The following GLIPR2 variants were observed in gnomAD, a reference collection of about 807,000 sequenced individuals.
The protein encoded by GLIPR2 is Golgi-associated plant pathogenesis-related protein 1.
GLIPR2 carries 21 observed loss-of-function variants against 20.4 expected under a neutral mutation model. The ratio of observed to expected loss-of-function variants is 1.03; its 90% confidence interval spans 0.73 to 1.48. The LOEUF is 1.48. Among genes scored for constraint, GLIPR2 ranks in the 40% most tolerant of loss-of-function variants. GLIPR2 has a pLI of 0.00. For missense variants in GLIPR2, 205 were observed against 200.1 expected (o/e 1.02, Z -0.15); for synonymous variants, 91 against 80.5 (o/e 1.13, Z -0.70).
At chr9:36,156,405 A>T (rs1182429736) in intron 4 of GLIPR2, among the ~76,000 whole-genome samples, 10 of 150,792 alleles carry the variant, frequency 6.6e-5, no homozygotes, top group Admixed American at 4.0e-4. Context: ...AAAAAAAAAA[A>T]AAAAAAAGAA....
At chr9:36,141,426 A>G (rs1206069069) in intron 1 of GLIPR2, among the ~76,000 whole-genome samples, 9 of 148,106 alleles carry the variant, frequency 6.1e-5, no homozygotes, top group African/African-American at 2.3e-4. Flanking sequence ...CCCCGAAGGC[A>G]GAACCGGGCT....
chr9:36,150,659 G>GC (rs1463306373), intron 3 of GLIPR2, among the ~76,000 whole-genome samples: 2 of 152,144 alleles, frequency 1.3e-5, no homozygotes, highest in Non-Finnish European at 2.9e-5. Flanking sequence ...GCTCTTCCCA[G>GC]CCCCCCAGAA....
intron 1 of GLIPR2, among the ~76,000 whole-genome samples, chr9:36,146,910 C>T (rs1041660271): frequency 2.6e-5 from 4 of 152,140 alleles, no homozygotes; most frequent in African/African-American, 7.2e-5. Flanking sequence ...GTTCTGGGGT[C>T]TTGGGGCGGC....
chr9:36,137,748 G>A (rs1824891271), intron 1 of GLIPR2, among the ~76,000 whole-genome samples: 1 of 152,248 alleles, frequency 6.6e-6, no homozygotes, highest in South Asian at 2.1e-4. Context: ...GAGGCTCTTA[G>A]AGAACAGCTG....
chr9:36,136,925 C>T lies in GLIPR2; in HGVS notation c.13+134C>T. On this transcript the variant is annotated intron_variant, in intron 1 of 4. Coordinates refer to ENST00000377960, the MANE Select transcript of GLIPR2 (RefSeq NM_022343.4). This position sits in a 1 kb window ranked among gnomAD's most constrained non-coding sequence, Gnocchi z 4.3. ...GGGGTGCGGGTGGAGGGCGCGCGGG[C>T]GGAGCGCCCCGGCGCGGTTTCCGGG... 9.5e-7 allele frequency: 1 copy of T among 1,051,752 alleles called. No homozygotes were observed. The highest frequency in any genetic ancestry group is 1.2e-6 in the Non-Finnish European group (1 of 824,450). 65.2% of individuals were successfully genotyped at this position (1,051,752 alleles called of 1,614,324 possible).
intron 4 of GLIPR2, among the ~76,000 whole-genome samples, chr9:36,153,885 A>T (rs1825708395): frequency 6.6e-6 from 1 of 151,784 alleles, no homozygotes; most frequent in Non-Finnish European, 1.5e-5. Context: ...TGGGTGACAG[A>T]GGAGTGAGAC....
At chr9:36,137,714 C>T (rs1824889263) in intron 1 of GLIPR2, among the ~76,000 whole-genome samples, 1 of 152,246 alleles carries the variant, frequency 6.6e-6, no homozygotes, top group Admixed American at 6.5e-5. Context: ...CCGTGTTTAT[C>T]TCAGCATTGC....
chr9:36,153,808 C>T (rs1164031503), intron 4 of GLIPR2, among the ~76,000 whole-genome samples: 2 of 151,838 alleles, frequency 1.3e-5, no homozygotes, highest in Non-Finnish European at 2.9e-5. Context: ...TGCTAAGACA[C>T]AAGAACTGCT....
At chr9:36,145,695 A>G (rs1364513802) in intron 1 of GLIPR2, among the ~76,000 whole-genome samples, 1 of 151,770 alleles carries the variant, frequency 6.6e-6, no homozygotes, top group Non-Finnish European at 1.5e-5. Flanking sequence ...AGGATGTTGG[A>G]TGGATGGATG....
Position 36,136,816 on chromosome 9 carries a change from C to T in GLIPR2, c.13+25C>T. 1 of 1,294,960 alleles carries T rather than the reference C, an allele frequency of 7.7e-7. No individual in the cohort carries two copies. Among genetic ancestry groups the T allele is most frequent in the Non-Finnish European group, 9.8e-7 (1 of 1,024,558 alleles). 80.2% of individuals were successfully genotyped at this position (1,294,960 alleles called of 1,614,324 possible). On this transcript the variant is annotated intron_variant, in intron 1 of 4. Coordinates refer to ENST00000377960, the MANE Select transcript of GLIPR2 (RefSeq NM_022343.4). The surrounding 1 kb of genome is among the most constrained non-coding windows in gnomAD (Gnocchi z 4.3). ...GGTGAGCCCGCGGGCTCGCCCGCTG[C>T]GGAATGGTTCGGAACCCCGCGCTCC...
chr9:36,153,729 C>T (rs1022864021), intron 4 of GLIPR2, among the ~76,000 whole-genome samples: 1 of 151,868 alleles, frequency 6.6e-6, no homozygotes, highest in Admixed American at 6.6e-5. Context: ...GGTGAAACCC[C>T]GTCTCTACTA....
intron 1 of GLIPR2, among the ~76,000 whole-genome samples, chr9:36,139,191 G>A (rs1410804759): frequency 1.3e-5 from 2 of 152,098 alleles, no homozygotes; most frequent in African/African-American, 4.8e-5. Flanking sequence ...TGGCTTCCAT[G>A]CCTGGAGATG....
At chr9:36,156,531 A>G (rs1264680596) in intron 4 of GLIPR2, among the ~76,000 whole-genome samples, 9 of 152,158 alleles carry the variant, frequency 5.9e-5, no homozygotes, top group Admixed American at 4.6e-4. Flanking sequence ...ATCCATCTCT[A>G]GAATTCTTTT....
intron 1 of GLIPR2, chr9:36,141,884 C>T: frequency 2.2e-6 from 1 of 455,728 alleles, no homozygotes; most frequent in Non-Finnish European, 4.4e-6. Context: ...GCCTGGCCTC[C>T]AGAAGGAACT....
rs1191686171 is a variant in GLIPR2, at chr9:36,163,849, C to T, written c.*1327C>T. ...CACTGTCACCAGTCTCAAGCTATGC[C>T]TCTAATTTCACCAGGGATATTGACT... On this transcript the variant is annotated 3_prime_UTR_variant, in exon 5 of 5. Coordinates refer to ENST00000377960, the MANE Select transcript of GLIPR2 (RefSeq NM_022343.4). 1 of 152,692 alleles carries T rather than the reference C, an allele frequency of 6.5e-6. No individual in the cohort carries two copies. The highest frequency in any genetic ancestry group is 2.4e-5 in the African/African-American group (1 of 41,458). 9.5% of individuals were successfully genotyped at this position (152,692 alleles called of 1,614,324 possible).
chr9:36,150,984 G>C (rs763753281), intron 4 of GLIPR2, 35 bp downstream of exon 4: 1 of 1,456,698 alleles, frequency 6.9e-7, no homozygotes, highest in Non-Finnish European at 9.6e-7. Context: ...GCCTGGCCCT[G>C]GGCAGCAATG....
At chr9:36,153,718 T>C (rs1234560537) in intron 4 of GLIPR2, among the ~76,000 whole-genome samples, 1 of 151,926 alleles carries the variant, frequency 6.6e-6, no homozygotes, top group African/African-American at 2.4e-5. Flanking sequence ...CTGGCCAACA[T>C]GGTGAAACCC....
chr9:36,147,811 C>T lies in GLIPR2; in HGVS notation c.39C>T (p.Val13=), dbSNP rs146363198. 1.2e-4 allele frequency: 189 copies of T among 1,574,120 alleles called. 1 individual carries two copies. The East Asian group carries it at 4.2e-3, about 35-fold the overall frequency. Residue 13 remains valine, a synonymous_variant, in exon 2 of 5, where the codon GTC becomes GTT. Transcript: ENST00000377960. Reference sequence around the variant, plus strand: ...CTTCCAAACAGTTTCATAATGAGGTCCTGAAGGCCCACAATGAGTACCGGC... The same window carrying T: ...CTTCCAAACAGTTTCATAATGAGGTTCTGAAGGCCCACAATGAGTACCGGC... ...KSASKQFHNE[V]LKAHNEYRQK... is the part of the protein sequence containing the mutation.
chr9:36,157,670 A>G (rs1825891406), intron 4 of GLIPR2, among the ~76,000 whole-genome samples: 1 of 150,444 alleles, frequency 6.6e-6, no homozygotes, highest in Admixed American at 6.7e-5. Context: ...TTAAAGCTGA[A>G]TAATATCTGT....
Sources: gnomAD v4.1 joint callset for allele counts (sites outside exome capture counted in the v4.1 genomes callset) on GRCh38, gnomAD v4.1.1 for gene constraint, Gnocchi (gnomAD v3.1) non-coding constraint, MANE v1.5 for transcripts, NCBI Gene and HGNC (gene_info 2026-07-23, HGNC 2026-07-21) for gene names.